RBFOX1: variants seen among roughly 807,000 people sequenced by gnomAD.
RBFOX1 encodes the protein RNA binding fox-1 homolog 1.
A neutral mutation model predicts 57.7 loss-of-function variants in RBFOX1; 8 were observed. The ratio of observed to expected loss-of-function variants is 0.14; its 90% CI spans 0.08 to 0.25. The LOEUF is 0.25. Among genes scored for constraint, RBFOX1 ranks in the 10% least tolerant of loss-of-function variants. RBFOX1 has a pLI of 1.00. For missense variants in RBFOX1, 611 were observed against 548.5 expected (o/e 1.11, Z -1.14); for synonymous variants, 326 against 222.4 (o/e 1.47, Z -4.15).
chr16:6,385,846 G>C (rs560581898), intron 2 of RBFOX1, among the ~76,000 whole-genome samples: 1 of 152,306 alleles, frequency 6.6e-6, no homozygotes, highest in African/African-American at 2.4e-5. Flanking sequence ...TACTAGTCTG[G>C]GGGAAGAGTG....
intron 1 of RBFOX1, among the ~76,000 whole-genome samples, chr16:6,078,905 GT>G (rs1329955716): frequency 2.6e-5 from 4 of 152,124 alleles, no homozygotes; most frequent in African/African-American, 7.2e-5. Context: ...TGTTAATGTG[GT>G]AAAAATGTCA....
chr16:6,503,332 T>TAG (rs1256603356), intron 2 of RBFOX1, among the ~76,000 whole-genome samples: 1 of 152,252 alleles, frequency 6.6e-6, no homozygotes, highest in African/African-American at 2.4e-5. Context: ...AAGGAGATTG[T>TAG]AGAAGCCTGG....
chr16:6,963,754 A>G (rs1197731820), intron 3 of RBFOX1, among the ~76,000 whole-genome samples: 3 of 152,010 alleles, frequency 2.0e-5, no homozygotes, highest in African/African-American at 4.8e-5. Flanking sequence ...GCTGGAGTGC[A>G]TTGGCGCGAT....
intron 3 of RBFOX1, among the ~76,000 whole-genome samples, chr16:6,718,069 C>G (rs947659320): frequency 6.6e-6 from 1 of 152,124 alleles, no homozygotes; most frequent in African/African-American, 2.4e-5. Context: ...ATTTCTTTGT[C>G]TAATTTTAGA....
rs137915101 is a variant in RBFOX1, at chr16:6,985,852, A to ATT, written c.-15-66197_-15-66196dup. ...TCATGTAAAAAAAAAAAAAAACAGA[A>ATT]TTTTTTTTTCTTTTTTCTTTTTCTT... On this transcript the variant is annotated intron_variant, in intron 3 of 15. Coordinates refer to ENST00000550418, the MANE Select transcript of RBFOX1 (RefSeq NM_018723.4). 6.0e-4 allele frequency among the ~76,000 whole-genome samples: 82 copies of ATT among 135,720 alleles called. 1 individual carries two copies. Among genetic ancestry groups the ATT allele is most frequent in the South Asian group, 1.2e-3 (5 of 4,228 alleles). 89.0% of individuals were successfully genotyped at this position (135,720 alleles called of 152,430 possible).
rs551583195 is a variant in RBFOX1 at position 6,131,811 on chromosome 16, C to T, written c.-127+111819C>T. On this transcript the variant is annotated intron_variant, in intron 1 of 15. Transcript: ENST00000550418. ...TCCTTCATAAATGTGGAGAGGCTCA[C>T]ATGTGCTGCTGGTGGTAACACATTC... is the stretch of plus-strand genomic sequence containing the variant. Among the ~76,000 whole-genome samples, 10 of 152,260 alleles carry T rather than the reference C, an allele frequency of 6.6e-5. No individual in the cohort carries two copies. The South Asian group carries it at 2.1e-3, about 32-fold the overall frequency.
At chr16:5,529,973 A>G (rs8054170) in intron 2 of RBFOX1, among the ~76,000 whole-genome samples, 107,456 of 151,956 alleles carry the variant, frequency 0.71, 38,681 homozygotes, top group East Asian at 0.88. Context: ...CACAGAACCC[A>G]AGGCAAGAGG....
At chr16:5,250,758 G>A (rs999149820) in intron 1 of RBFOX1, among the ~76,000 whole-genome samples, 1 of 152,260 alleles carries the variant, frequency 6.6e-6, no homozygotes, top group Non-Finnish European at 1.5e-5. Context: ...ACCACGCTTC[G>A]TTTAACCAGC....
chr16:7,639,183 C>A (rs927209581), intron 11 of RBFOX1, among the ~76,000 whole-genome samples: 2 of 152,148 alleles, frequency 1.3e-5, no homozygotes, highest in East Asian at 3.9e-4. Flanking sequence ...TAGTCTAAGA[C>A]CTGCCCCAGT....
chr16:6,043,120 GAAAAAAAAAAA>G (rs570358262), intron 1 of RBFOX1, among the ~76,000 whole-genome samples: 7 of 70,236 alleles, frequency 1.0e-4, no homozygotes, highest in Admixed American at 2.0e-4. Context: ...TGTGTTTCCA[GAAAAAAAAAAA>G]AAAAAAAAAA....
At chr16:7,368,056 CA>C (rs2097493642) in intron 4 of RBFOX1, among the ~76,000 whole-genome samples, 1 of 151,968 alleles carries the variant, frequency 6.6e-6, no homozygotes, top group Non-Finnish European at 1.5e-5. Flanking sequence ...CAGCTGAGGT[CA>C]GGGGTTTGAG....
At chr16:6,399,959 A>C (rs1161623964) in intron 2 of RBFOX1, among the ~76,000 whole-genome samples, 1 of 152,124 alleles carries the variant, frequency 6.6e-6, no homozygotes, top group Non-Finnish European at 1.5e-5. Flanking sequence ...GTACAGCATG[A>C]GGGTAGCCAG....
intron 4 of RBFOX1, among the ~76,000 whole-genome samples, chr16:7,453,870 CA>C (rs1473518510): frequency 6.6e-6 from 1 of 152,170 alleles, no homozygotes; most frequent in Non-Finnish European, 1.5e-5. Context: ...GAGTCTTCAC[CA>C]AAGGCTAGAA....
At chr16:5,490,211 C>G (rs1424608550) in intron 2 of RBFOX1, among the ~76,000 whole-genome samples, 1 of 152,236 alleles carries the variant, frequency 6.6e-6, no homozygotes, top group Non-Finnish European at 1.5e-5. Flanking sequence ...GGGCTCATCT[C>G]GTTCATTTTG....
In RBFOX1 at chr16:7,416,453, A is replaced by G. The variant is rs185698907; in HGVS notation, c.28-101694A>G. 5.5e-4 allele frequency among the ~76,000 whole-genome samples: 84 copies of G among 152,258 alleles called. 1 individual carries two copies. The highest frequency in any genetic ancestry group is 1.8e-3 in the African/African-American group (74 of 41,544). On this transcript the variant is annotated intron_variant, in intron 4 of 15. Transcript: ENST00000550418. ...TCACCCCCAACCTCTGCTGATTGTT[A>G]GAGGGAGGAAGTGATGTACAGGAAA...
intron 2 of RBFOX1, among the ~76,000 whole-genome samples, chr16:6,444,536 C>T (rs1310578323): frequency 6.6e-6 from 1 of 152,166 alleles, no homozygotes; most frequent in Non-Finnish European, 1.5e-5. Flanking sequence ...TCTCTCTTTG[C>T]CTGCTGCCAT....
At chr16:7,178,445 T>G (rs1388640946) in intron 4 of RBFOX1, among the ~76,000 whole-genome samples, 2 of 152,212 alleles carry the variant, frequency 1.3e-5, no homozygotes, top group East Asian at 3.8e-4. Context: ...TGGATATGGG[T>G]AAACACTAAA....
In RBFOX1 at chr16:7,116,233, G is replaced by T. The variant is rs57790041; in HGVS notation, c.27+64135G>T. ...TTTTCACCACCTTCCTGAATATATA[G>T]AGAGAAAGCCCATGCAGTAAACCAA... On this transcript the variant is annotated intron_variant, in intron 4 of 15. Transcript: ENST00000550418. Among the ~76,000 whole-genome samples the T allele has an allele frequency of 6.0e-3, 915 of 152,144 alleles. 11 individuals carry two copies. Among genetic ancestry groups the T allele is most frequent in the African/African-American group, 0.021 (866 of 41,520 alleles).
chr16:6,913,707 C>G (rs187487520), intron 3 of RBFOX1, among the ~76,000 whole-genome samples: 5 of 152,292 alleles, frequency 3.3e-5, no homozygotes, highest in African/African-American at 1.2e-4. Flanking sequence ...GGGCCAGGCT[C>G]TGTCCTCCCC....
Sources: allele counts gnomAD v4.1 joint callset (sites outside exome capture counted in the v4.1 genomes callset), GRCh38; gene constraint gnomAD v4.1.1; transcripts MANE v1.5; gene names NCBI Gene and HGNC (gene_info 2026-07-23, HGNC 2026-07-21).